Variants in VRK2 observed in about 807,000 individuals in gnomAD.
The protein encoded by VRK2 is serine/threonine-protein kinase VRK2.
In VRK2, 60 loss-of-function variants were observed where a neutral mutation model predicts 57.6. That is an observed-to-expected ratio of 1.04 (90% confidence interval 0.85 to 1.29). The LOEUF (loss-of-function observed/expected upper bound fraction) is 1.29. Among genes scored for constraint, VRK2 ranks in the 50% most tolerant of loss-of-function variants. The pLI is 0.00. For missense variants in VRK2, 705 were observed against 588.1 expected (o/e 1.20, Z -2.06); for synonymous variants, 231 against 199.2 (o/e 1.16, Z -1.35).
chr2:58,004,393 C>T (rs1293052434), intron 1 of VRK2, among the ~76,000 whole-genome samples: 3 of 152,128 alleles, frequency 2.0e-5, no homozygotes, highest in Admixed American at 1.3e-4. Context: ...TCTTTCAGGA[C>T]TTGTAAATGA....
chr2:57,991,883 G>A (rs1201487449), intron 1 of VRK2, among the ~76,000 whole-genome samples: 2 of 151,506 alleles, frequency 1.3e-5, no homozygotes, highest in Admixed American at 6.6e-5. Context: ...GCTTGAACTC[G>A]GGAGGCGGAG....
chr2:57,994,203 A>G (rs140304778), intron 1 of VRK2, among the ~76,000 whole-genome samples: 96 of 152,316 alleles, frequency 6.3e-4, no homozygotes, highest in African/African-American at 2.2e-3. Context: ...TAAATCAGAA[A>G]GGTGTAAGGT....
intron 7 of VRK2, among the ~76,000 whole-genome samples, chr2:58,112,608 T>A (rs1164508551): frequency 5.9e-5 from 9 of 151,290 alleles, no homozygotes; most frequent in Non-Finnish European, 1.3e-4. Context: ...ATTTATTATG[T>A]ACATGGACAC....
At chr2:58,001,415 G>C (rs984455203) in intron 1 of VRK2, among the ~76,000 whole-genome samples, 1 of 152,164 alleles carries the variant, frequency 6.6e-6, no homozygotes, top group Non-Finnish European at 1.5e-5. Context: ...AAAATGAAAT[G>C]ACTGTTTCTG....
intron 2 of VRK2, among the ~76,000 whole-genome samples, chr2:58,067,065 A>C (rs889123280): frequency 3.9e-5 from 6 of 152,300 alleles, no homozygotes; most frequent in African/African-American, 1.4e-4. Flanking sequence ...TGAGTGTTCC[A>C]ACCCTCATCT....
At chr2:58,022,704 C>T (rs1025668528) in intron 1 of VRK2, among the ~76,000 whole-genome samples, 1 of 152,088 alleles carries the variant, frequency 6.6e-6, no homozygotes, top group African/African-American at 2.4e-5. Context: ...GGCTAAACTT[C>T]ATCTCTATAA....
rs572330524 is a variant in VRK2, at chr2:57,984,726, G to T, written c.-438-40939G>T. Among the ~76,000 whole-genome samples the T allele has an allele frequency of 2.6e-5, 4 of 152,062 alleles. No individual in the cohort carries two copies. The East Asian group carries it at 7.7e-4, about 29-fold the overall frequency. On this transcript the variant is annotated intron_variant, in intron 1 of 15. Coordinates refer to the VRK2 transcript ENST00000417641. ...GTAGTTCCAGTCCATCCAATTAGAT[G>T]AGGACAATAATGAGATATACATTTT...
intron 1 of VRK2, among the ~76,000 whole-genome samples, chr2:58,019,354 C>A (rs1463105569): frequency 6.6e-6 from 1 of 152,090 alleles, no homozygotes; most frequent in Non-Finnish European, 1.5e-5. Context: ...GCAGTGGTCC[C>A]ATACATGTAA....
rs553096167 is a variant in VRK2 at position 57,953,045 on chromosome 2, T to C, written c.-439+45206T>C. Among the ~76,000 whole-genome samples the C allele has an allele frequency of 8.7e-4, 132 of 152,326 alleles. 1 individual carries two copies. In the South Asian group the frequency reaches 0.013, roughly 15 times the overall value. Reference sequence around the variant, plus strand: ...GGCCATGATAACTTTATGCAAATTATAGCCAAGCAGCTCAGAGTTGAGAAA... The same window carrying C: ...GGCCATGATAACTTTATGCAAATTACAGCCAAGCAGCTCAGAGTTGAGAAA... On this transcript the variant is annotated intron_variant, in intron 1 of 15. Transcript: ENST00000417641.
intron 1 of VRK2, among the ~76,000 whole-genome samples, chr2:58,025,425 T>C (rs995603540): frequency 6.6e-6 from 1 of 152,166 alleles, no homozygotes; most frequent in African/African-American, 2.4e-5. Flanking sequence ...CAAAGGCCAA[T>C]TTTGGAGAAA....
intron 7 of VRK2, among the ~76,000 whole-genome samples, chr2:58,111,789 GA>G (rs922691076): frequency 9.4e-5 from 14 of 148,264 alleles, no homozygotes; most frequent in South Asian, 2.1e-4. Context: ...TGATTTCACA[GA>G]AAAAAAAAGG....
intron 3 of VRK2, among the ~76,000 whole-genome samples, chr2:58,038,865 T>C (rs962113556): frequency 3.3e-5 from 5 of 152,098 alleles, no homozygotes; most frequent in Admixed American, 2.6e-4. Context: ...CCTCAGCCAC[T>C]ACTACAGGTG....
intron 1 of VRK2, among the ~76,000 whole-genome samples, chr2:57,984,124 C>T (rs1672518382): frequency 6.6e-6 from 1 of 152,144 alleles, no homozygotes; most frequent in South Asian, 2.1e-4. Context: ...CTCAACTCTA[C>T]AATTGTGGCA....
chr2:58,047,725 A>G (rs955168485), intron 1 of VRK2, among the ~76,000 whole-genome samples: 1 of 150,710 alleles, frequency 6.6e-6, no homozygotes, highest in Admixed American at 6.6e-5. Context: ...TCACCATCCA[A>G]ATTCCCAGCC....
At position 58,151,731 on chromosome 2, in the gene VRK2, GTTTTTT is replaced by G. The variant is rs60379025; in HGVS notation, c.1182+5288_1182+5293del. Reference sequence around the variant, plus strand: ...TTTTTTTAACTATGCTTCTATGCTTGTTTTTTTTTTTTTTTTTTTTTTTTTTTTTTT... The same window carrying G: ...TTTTTTTAACTATGCTTCTATGCTTGTTTTTTTTTTTTTTTTTTTTTTTTT... On this transcript the variant is annotated intron_variant, in intron 12 of 12. Transcript: ENST00000340157. Among the ~76,000 whole-genome samples, 74 of 16,716 alleles carry G rather than the reference GTTTTTT, an allele frequency of 4.4e-3. 2 individuals are homozygous for G. The highest frequency in any genetic ancestry group is 8.7e-3 in the African/African-American group (65 of 7,430). The allele number at this position is 16,716 out of a possible 152,430, so 11.0% of individuals were successfully genotyped here. A position where few individuals can be genotyped will look rare whatever the true frequency, so the allele number is the denominator to read the frequency against.
At chr2:58,020,842 G>A (rs1009085757) in intron 1 of VRK2, among the ~76,000 whole-genome samples, 11 of 152,122 alleles carry the variant, frequency 7.2e-5, no homozygotes, top group African/African-American at 2.7e-4. Context: ...TAAAACATTT[G>A]GACCTTGATA....
intron 1 of VRK2, among the ~76,000 whole-genome samples, chr2:57,989,486 G>A (rs1672698521): frequency 6.6e-6 from 1 of 152,032 alleles, no homozygotes; most frequent in African/African-American, 2.4e-5. Context: ...GTCTTTAATT[G>A]GTGATCATAT....
intron 1 of VRK2, among the ~76,000 whole-genome samples, chr2:58,022,426 T>A (rs1341580036): frequency 6.6e-6 from 1 of 152,186 alleles, no homozygotes; most frequent in Non-Finnish European, 1.5e-5. Flanking sequence ...TACGTAGACA[T>A]TATGTTTCTA....
At chr2:58,093,212 A>G (rs1310100882) in intron 7 of VRK2, among the ~76,000 whole-genome samples, 3 of 152,178 alleles carry the variant, frequency 2.0e-5, no homozygotes, top group Non-Finnish European at 4.4e-5. Context: ...TGGTGTTTCT[A>G]GTTCTAGATC....
Sources: allele counts gnomAD v4.1 joint callset (sites outside exome capture counted in the v4.1 genomes callset), GRCh38; gene constraint gnomAD v4.1.1; transcripts MANE v1.5; gene names NCBI Gene and HGNC (gene_info 2026-07-23, HGNC 2026-07-21).